The following CNTLN variants were observed in gnomAD, a reference collection of about 807,000 sequenced individuals.
CNTLN encodes the protein centlein.
CNTLN carries 212 observed loss-of-function variants against 180.0 expected under a neutral mutation model. That is an observed-to-expected ratio of 1.18 (90% CI 1.05 to 1.32). The LOEUF is 1.32. Ranked by LOEUF, CNTLN falls within the 40% of genes most tolerant of loss-of-function variation. The pLI is 0.00. For missense variants in CNTLN, 2,095 were observed against 1,610.9 expected (o/e 1.30, Z -5.14); for synonymous variants, 722 against 563.1 (o/e 1.28, Z -3.99).
intron 18 of CNTLN, among the ~76,000 whole-genome samples, chr9:17,436,523 C>A (rs1829787732): frequency 6.6e-6 from 1 of 152,164 alleles, no homozygotes; most frequent in South Asian, 2.1e-4. Context: ...CTTGGGTTTT[C>A]TAGTTAATCT....
At chr9:17,505,141 T>TA (rs144010271), downstream of CNTLN, among the ~76,000 whole-genome samples, 48,026 of 92,800 alleles carry the variant, frequency 0.52, 8,646 homozygotes, top group East Asian at 0.66. Flanking sequence ...CTCATTTATT[T>TA]TAAAAAAAAC....
intron 4 of CNTLN, 86 bp downstream of exon 4, chr9:17,235,878 A>C: frequency 6.9e-7 from 1 of 1,440,298 alleles, no homozygotes; most frequent in Non-Finnish European, 9.3e-7. Flanking sequence ...ACAGAAAGTG[A>C]CAGATTTGGA....
chr9:17,273,954 A>G, intron 6 of CNTLN, 88 bp downstream of exon 6: 1 of 986,484 alleles, frequency 1.0e-6, no homozygotes, highest in Non-Finnish European at 1.5e-6. Context: ...CTAACACCCT[A>G]AAATAATAAC....
At chr9:17,169,895 C>A (rs777140476) in intron 2 of CNTLN, among the ~76,000 whole-genome samples, 2 of 151,972 alleles carry the variant, frequency 1.3e-5, no homozygotes, top group Admixed American at 6.6e-5. Flanking sequence ...TTTTGCAGTT[C>A]CATATGAATT....
chr9:17,295,639 C>A (rs368300005), intron 6 of CNTLN, among the ~76,000 whole-genome samples: 1 of 152,034 alleles, frequency 6.6e-6, no homozygotes, highest in Non-Finnish European at 1.5e-5. Context: ...CATCTTGGCC[C>A]GCCCTGTTTT....
At chr9:17,506,674 TA>T (rs1376268584), downstream of CNTLN, among the ~76,000 whole-genome samples, 1 of 152,132 alleles carries the variant, frequency 6.6e-6, no homozygotes, top group Non-Finnish European at 1.5e-5. Flanking sequence ...TGAAAATTAC[TA>T]TAATAAATTT....
At chr9:17,433,618 T>G (rs1829563783) in intron 18 of CNTLN, among the ~76,000 whole-genome samples, 1 of 45,084 alleles carries the variant, frequency 2.2e-5, no homozygotes, top group Admixed American at 2.6e-4. Context: ...TTGTAGTGGT[T>G]TTTTTTTGTT....
chr9:17,466,859 G>GA lies in CNTLN; in HGVS notation c.3828dup (p.Val1277SerfsTer18). On this transcript the variant is annotated frameshift_variant, in exon 23 of 26. Coordinates refer to ENST00000380647, the MANE Select transcript of CNTLN (RefSeq NM_017738.4). LOFTEE classifies it high-confidence loss of function. ...ACAGAAGACATTGCTGTTAGCCAAT[G>GA]AAAAAGTAGAAGAGTTCACCACATT... 6.2e-7 allele frequency: 1 copy of GA among 1,609,506 alleles called. No individual in the cohort carries two copies. The highest frequency in any genetic ancestry group is 8.5e-7 in the Non-Finnish European group (1 of 1,177,170).
rs537564340 is a variant in CNTLN at position 17,452,850 on chromosome 9, T to C, written c.3115-4674T>C. On this transcript the variant is annotated intron_variant, in intron 18 of 25. Transcript: ENST00000380647. Reference sequence around the variant, plus strand: ...GGCCAGGGGTGACTAATTTACCCTATTCATGGGATCCTACAGTTGCAGCTG... The same window carrying C: ...GGCCAGGGGTGACTAATTTACCCTACTCATGGGATCCTACAGTTGCAGCTG... Among the ~76,000 whole-genome samples, 7 of 152,256 alleles carry C rather than the reference T, an allele frequency of 4.6e-5. No homozygotes were observed. The East Asian group carries it at 1.4e-3, about 29-fold the overall frequency.
At chr9:17,477,761 C>T (rs1236335507) in intron 23 of CNTLN, among the ~76,000 whole-genome samples, 1 of 152,194 alleles carries the variant, frequency 6.6e-6, no homozygotes, top group Non-Finnish European at 1.5e-5. Flanking sequence ...GAAATCTCCT[C>T]CTGGTGAAAA....
intron 3 of CNTLN, among the ~76,000 whole-genome samples, chr9:17,234,815 A>T (rs1234929837): frequency 2.0e-5 from 3 of 152,198 alleles, no homozygotes; most frequent in Non-Finnish European, 4.4e-5. Context: ...AGTTGAAAGA[A>T]TGGATGGATT....
At chr9:17,426,221 C>T (rs947234473) in intron 18 of CNTLN, among the ~76,000 whole-genome samples, 1 of 152,264 alleles carries the variant, frequency 6.6e-6, no homozygotes, top group South Asian at 2.1e-4. Context: ...TAAACCTGCA[C>T]AATCTTTCAA....
the CNTLN span, among the ~76,000 whole-genome samples, chr9:17,526,397 A>C: frequency 6.6e-6 from 1 of 152,230 alleles, no homozygotes; most frequent in African/African-American, 2.4e-5. Context: ...ACTTAGTACA[A>C]AAAAACTGAC....
At chr9:17,319,141 T>A (rs1310331501) in intron 8 of CNTLN, among the ~76,000 whole-genome samples, 1 of 152,216 alleles carries the variant, frequency 6.6e-6, no homozygotes, top group African/African-American at 2.4e-5. Flanking sequence ...TATGTCATTT[T>A]GTTAAGGGCT....
At chr9:17,448,467 GTTTCAT>G (rs1473979184) in intron 18 of CNTLN, 1 of 152,166 alleles carries the variant, frequency 6.6e-6, no homozygotes. Flanking sequence ...AGCAAATTCA[GTTTCAT>G]TTTCTGATGC....
intron 2 of CNTLN, among the ~76,000 whole-genome samples, chr9:17,219,131 C>T (rs146816934): frequency 1.3e-5 from 2 of 152,130 alleles, no homozygotes; most frequent in Non-Finnish European, 2.9e-5. Flanking sequence ...CTAAAGAAGT[C>T]GGCAAATATT....
chr9:17,285,154 C>A (rs1354880103), intron 6 of CNTLN, among the ~76,000 whole-genome samples: 2 of 112,218 alleles, frequency 1.8e-5, no homozygotes, highest in Non-Finnish European at 3.6e-5. Flanking sequence ...TCCCTCCCCC[C>A]TCCCCCCACC....
intron 2 of CNTLN, among the ~76,000 whole-genome samples, chr9:17,188,011 CATAT>C (rs10556334): frequency 0.16 from 23,925 of 145,660 alleles, 2,238 homozygotes; most frequent in Non-Finnish European, 0.21. Context: ...ATATATACAC[CATAT>C]ATATATATAT....
Position 17,412,354 on chromosome 9 carries a change from C to T in CNTLN, c.2796+2881C>T, listed in dbSNP as rs544073755. Among the ~76,000 whole-genome samples, 6 of 152,292 alleles carry T rather than the reference C, an allele frequency of 3.9e-5. No individual in the cohort carries two copies. In the South Asian group the frequency reaches 1.2e-3, roughly 32 times the overall value. ...ATGTCCAGGATACAATTGAAAATCACACCTCATACCAAGATCCAGGAAAAC... is the reference window on the plus strand; with the variant it reads ...ATGTCCAGGATACAATTGAAAATCATACCTCATACCAAGATCCAGGAAAAC... On this transcript the variant is annotated intron_variant, in intron 16 of 25. Coordinates refer to ENST00000380647, the MANE Select transcript of CNTLN (RefSeq NM_017738.4).
Sources: allele counts gnomAD v4.1 joint callset (sites outside exome capture counted in the v4.1 genomes callset), GRCh38; gene constraint gnomAD v4.1.1; transcripts MANE v1.5; gene names NCBI Gene and HGNC (gene_info 2026-07-23, HGNC 2026-07-21).